The following PIP5K1B variants were observed in gnomAD, a reference collection of about 807,000 sequenced individuals.
PIP5K1B encodes phosphatidylinositol-4-phosphate 5-kinase type 1 beta, also known as phosphatidylinositol 4-phosphate 5-kinase type-1 beta.
PIP5K1B carries 42 observed loss-of-function variants against 67.0 expected under a neutral mutation model. The observed-to-expected ratio is 0.63, with a 90% confidence interval of 0.49 to 0.81. PIP5K1B has a LOEUF of 0.81. Ranked by LOEUF, PIP5K1B falls within the 30% of genes least tolerant of loss-of-function variation. The pLI, the probability that PIP5K1B is intolerant of heterozygous loss-of-function variation, is 0.00. For synonymous variants in PIP5K1B, 214 were observed against 231.4 expected, an observed-to-expected ratio of 0.92 and a Z score of 0.68; for missense variants, 459 against 646.3, an observed-to-expected ratio of 0.71 and a Z score of 3.14.
chr9:68,798,775 C>T (rs1045712973), intron 2 of PIP5K1B, among the ~76,000 whole-genome samples: 6 of 152,096 alleles, frequency 3.9e-5, no homozygotes, highest in South Asian at 2.1e-4. Context: ...TTTTTTAAGA[C>T]CATTATTGCC....
intron 15 of PIP5K1B, among the ~76,000 whole-genome samples, chr9:68,998,033 A>G (rs1830667853): frequency 7.0e-6 from 1 of 143,312 alleles, no homozygotes; most frequent in South Asian, 2.3e-4. Context: ...GGCTAGCTTG[A>G]TTTCTACTTT....
chr9:68,709,687 G>A (rs537955120), intron 1 of PIP5K1B, among the ~76,000 whole-genome samples: 3 of 152,230 alleles, frequency 2.0e-5, no homozygotes, highest in African/African-American at 7.2e-5. Context: ...CGAGGTGGGC[G>A]AATCACTTGA....
At chr9:68,990,214 T>C (rs1449556172) in intron 14 of PIP5K1B, among the ~76,000 whole-genome samples, 1 of 152,148 alleles carries the variant, frequency 6.6e-6, no homozygotes, top group Non-Finnish European at 1.5e-5. Flanking sequence ...CCAAGTGTGG[T>C]CCTTGAACCA....
chr9:68,894,749 G>A (rs1317582149), intron 8 of PIP5K1B, 111 bp downstream of exon 8: 2 of 1,007,324 alleles, frequency 2.0e-6, no homozygotes, highest in African/African-American at 1.6e-5. Context: ...GCAGACATGT[G>A]GAATCCTATC....
At chr9:68,710,475 C>T (rs1169122440) in intron 1 of PIP5K1B, among the ~76,000 whole-genome samples, 1 of 152,064 alleles carries the variant, frequency 6.6e-6, no homozygotes, top group African/African-American at 2.4e-5. Context: ...GAATTGTATT[C>T]AGTCAGGTTC....
chr9:68,943,054 A>C (rs1827639600), intron 14 of PIP5K1B, among the ~76,000 whole-genome samples: 1 of 152,248 alleles, frequency 6.6e-6, no homozygotes, highest in Admixed American at 6.5e-5. Flanking sequence ...AACCCAGACA[A>C]ACGCATTTCA....
intron 14 of PIP5K1B, among the ~76,000 whole-genome samples, chr9:68,984,072 ATAAC>A (rs1202128623): frequency 1.3e-5 from 2 of 152,162 alleles, no homozygotes; most frequent in Admixed American, 6.5e-5. Flanking sequence ...TACAAATTAA[ATAAC>A]TAAATATTTG....
intron 2 of PIP5K1B, among the ~76,000 whole-genome samples, chr9:68,810,671 G>A (rs142888809): frequency 6.6e-6 from 1 of 152,160 alleles, no homozygotes; most frequent in Non-Finnish European, 1.5e-5. Flanking sequence ...AGGTTGAAAG[G>A]GTTGCTTCTG....
intron 12 of PIP5K1B, among the ~76,000 whole-genome samples, chr9:68,928,281 G>A (rs1395788830): frequency 1.3e-5 from 2 of 152,020 alleles, no homozygotes; most frequent in Non-Finnish European, 2.9e-5. Flanking sequence ...GGCTATTCTG[G>A]GTTCCTTGTA....
chr9:68,788,675 C>T (rs1440357308), intron 2 of PIP5K1B: 3 of 244,096 alleles, frequency 1.2e-5, no homozygotes, highest in Non-Finnish European at 2.5e-5. Flanking sequence ...CTGGGCTGAA[C>T]GTGTACATCC....
intron 3 of PIP5K1B, among the ~76,000 whole-genome samples, chr9:68,820,487 G>A (rs539197106): frequency 6.6e-6 from 1 of 152,228 alleles, no homozygotes; most frequent in African/African-American, 2.4e-5. Flanking sequence ...GGCTCACCGT[G>A]ATTCTTGCGT....
At chr9:68,844,205 A>G (rs1247645185) in intron 4 of PIP5K1B, among the ~76,000 whole-genome samples, 1 of 152,208 alleles carries the variant, frequency 6.6e-6, no homozygotes, top group African/African-American at 2.4e-5. Context: ...ATTCAATATC[A>G]TCTACTCAGT....
chr9:68,792,469 T>A (rs146936746), intron 2 of PIP5K1B, among the ~76,000 whole-genome samples: 1 of 96,042 alleles, frequency 1.0e-5, no homozygotes, highest in Non-Finnish European at 2.6e-5. Context: ...TTTGTTGTTG[T>A]TTGTTTGTTT....
intron 14 of PIP5K1B, among the ~76,000 whole-genome samples, chr9:68,979,536 A>C (rs1348219084): frequency 1.3e-3 from 2 of 1,532 alleles, no homozygotes; most frequent in Non-Finnish European, 3.6e-3. Context: ...TTATATTTAT[A>C]TCCTATCACA....
chr9:68,932,155 A>G (rs757715882), intron 12 of PIP5K1B, among the ~76,000 whole-genome samples: 128 of 152,184 alleles, frequency 8.4e-4, no homozygotes, highest in Non-Finnish European at 1.5e-3. Flanking sequence ...TCTCCTGAGT[A>G]TCTTTTCCTC....
At chr9:69,008,202 G>A (rs990798111) in intron 15 of PIP5K1B, among the ~76,000 whole-genome samples, 25 of 152,122 alleles carry the variant, frequency 1.6e-4, no homozygotes, top group Admixed American at 1.3e-3. Context: ...TCCAAGTCCC[G>A]AGCACAGTGC....
rs201081679 is a variant in PIP5K1B at position 68,893,082 on chromosome 9, T to TA, written c.472-1246dup. Among the ~76,000 whole-genome samples the TA allele has an allele frequency of 5.9e-3, 867 of 145,984 alleles. 6 individuals are homozygous for TA. The highest frequency in any genetic ancestry group is 0.019 in the African/African-American group (765 of 39,892). On this transcript the variant is annotated intron_variant, in intron 7 of 15. Coordinates refer to ENST00000265382, the MANE Select transcript of PIP5K1B (RefSeq NM_003558.4). Reference sequence around the variant, plus strand: ...AGTAAGACTCCGTCTCTCAAAAAATTAAAAAAAAAAATTTAAGGCAACACA... The same window carrying TA: ...AGTAAGACTCCGTCTCTCAAAAAATTAAAAAAAAAAAATTTAAGGCAACACA...
chr9:68,900,337 G>A (rs544187944), intron 8 of PIP5K1B, among the ~76,000 whole-genome samples: 24 of 152,174 alleles, frequency 1.6e-4, no homozygotes, highest in South Asian at 1.2e-3. Flanking sequence ...TGCAGCACCT[G>A]GCTTATTCTA....
At chr9:68,727,858 A>G (rs79496719) in intron 1 of PIP5K1B, among the ~76,000 whole-genome samples, 1,825 of 152,288 alleles carry the variant, frequency 0.012, 18 homozygotes, top group South Asian at 0.029. Flanking sequence ...GTGCTCCTTC[A>G]TCCTAATTAA....
Sources: allele counts gnomAD v4.1 joint callset (sites outside exome capture counted in the v4.1 genomes callset), GRCh38; gene constraint gnomAD v4.1.1; transcripts MANE v1.5; gene names NCBI Gene and HGNC (gene_info 2026-07-23, HGNC 2026-07-21).